ABR: variants seen among roughly 807,000 people sequenced by gnomAD.
ABR encodes ABR activator of RhoGEF and GTPase.
ABR carries 35 observed loss-of-function variants against 107.2 expected under a neutral mutation model. The observed-to-expected ratio is 0.33, with a 90% CI of 0.25 to 0.43. The LOEUF is 0.43. Among genes scored for constraint, ABR ranks in the 20% least tolerant of loss-of-function variants. ABR has a pLI of 1.00. For synonymous variants in ABR, 498 were observed against 462.0 expected, an observed-to-expected ratio of 1.08 and a Z score of -1.00; for missense variants, 815 against 1,115.2, an observed-to-expected ratio of 0.73 and a Z score of 3.83.
chr17:1,006,457 GCCCTTGGAAGCAA>G (rs1182579215), intron 22 of ABR, among the ~76,000 whole-genome samples: 2 of 152,150 alleles, frequency 1.3e-5, no homozygotes, highest in Non-Finnish European at 2.9e-5. Context: ...GAAGCCTCCC[GCCCTTGGAAGCAA>G]CCTCAGAGCT....
intron 3 of ABR, among the ~76,000 whole-genome samples, chr17:1,096,867 G>A (rs116549379): frequency 0.031 from 4,517 of 146,228 alleles, 112 homozygotes; most frequent in Non-Finnish European, 0.052. Flanking sequence ...GGGGAATGGG[G>A]GAACCTGCCC....
Position 1,050,026 on chromosome 17 carries a change from C to T in ABR, c.1791+24G>A, listed in dbSNP as rs2032275209. 2.5e-6 allele frequency: 4 copies of T among 1,606,902 alleles called. No homozygotes were observed. The highest frequency in any genetic ancestry group is 2.5e-6 in the Non-Finnish European group (3 of 1,177,386). ...ACCACCTCCTGGAGGCTCCCTCAGC[C>T]TCGCCCCGGCGCCCTGGCCTCACCT... On this transcript the variant is annotated intron_variant, in intron 16 of 22. Coordinates refer to ENST00000302538, the MANE Select transcript of ABR (RefSeq NM_021962.5). This position sits in a 1 kb window ranked among gnomAD's most constrained non-coding sequence, Gnocchi z 4.6.
At chr17:1,159,984 G>A (rs1598012408) in intron 1 of ABR, among the ~76,000 whole-genome samples, 2 of 152,164 alleles carry the variant, frequency 1.3e-5, no homozygotes, top group South Asian at 4.1e-4. Context: ...TGACGCTGCC[G>A]CCGCTTGGGG....
chr17:1,029,690 T>C (rs2072548495), intron 16 of ABR, among the ~76,000 whole-genome samples: 1 of 151,978 alleles, frequency 6.6e-6, no homozygotes, highest in African/African-American at 2.4e-5. Context: ...AAATGCCAGG[T>C]TAATGTGGCT....
intron 16 of ABR, among the ~76,000 whole-genome samples, chr17:1,014,381 C>T (rs1196927140): frequency 7.1e-6 from 1 of 140,622 alleles, no homozygotes; most frequent in Non-Finnish European, 1.5e-5. Context: ...GCAGAGCTTG[C>T]AGTGAGCCGA....
Position 1,084,454 on chromosome 17 carries a change from C to T in ABR, c.532-827G>A, listed in dbSNP as rs1035835497. 2.0e-5 allele frequency among the ~76,000 whole-genome samples: 3 copies of T among 152,204 alleles called. No homozygotes were observed. The highest frequency in any genetic ancestry group is 4.4e-5 in the Non-Finnish European group (3 of 68,042). ...CTTGAGGCCCCGTCCTCACCTCTTC[C>T]ACCTCCTCTACCTCCAAGGAGCCAA... On this transcript the variant is annotated intron_variant, in intron 4 of 22. Coordinates refer to ENST00000302538, the MANE Select transcript of ABR (RefSeq NM_021962.5). This position sits in a 1 kb window ranked among gnomAD's most constrained non-coding sequence, Gnocchi z 4.2.
intron 16 of ABR, among the ~76,000 whole-genome samples, chr17:1,030,993 T>G (rs749970022): frequency 6.6e-6 from 1 of 152,162 alleles, no homozygotes; most frequent in African/African-American, 2.4e-5. Context: ...ATCTCAGATT[T>G]TAATCCCAAC....
intron 16 of ABR, among the ~76,000 whole-genome samples, chr17:1,036,040 C>T (rs1268221436): frequency 1.3e-5 from 2 of 151,972 alleles, no homozygotes; most frequent in South Asian, 2.1e-4. Flanking sequence ...GGCAAATCCT[C>T]CAGCCTGTGA....
rs1337895228 is a variant in ABR, at chr17:1,194,944, GC to G, written c.838+33848del. ...TGGAATTACAGGTGTGAGCCACCGC[GC>G]CCGACCCTAATTTTTTTTTTAATTT... On this transcript the variant is annotated intron_variant, in intron 1 of 22. Transcript: ENST00000574139. Among the ~76,000 whole-genome samples, 4 of 143,816 alleles carry G rather than the reference GC, an allele frequency of 2.8e-5. No homozygotes were observed. The East Asian group carries it at 7.3e-4, about 26-fold the overall frequency. The allele number at this position is 143,816 out of a possible 152,430, so 94.3% of individuals were successfully genotyped here. A position where few individuals can be genotyped will look rare whatever the true frequency, so the allele number is the denominator to read the frequency against.
chr17:1,146,788 GCCACCATGCCACC>G, intron 1 of ABR, among the ~76,000 whole-genome samples: 1 of 62,698 alleles, frequency 1.6e-5, no homozygotes, highest in South Asian at 6.0e-4. Flanking sequence ...GGCCACCACT[GCCACCATGCCACC>G]ACTGCCACCA....
chr17:1,023,795 T>G (rs941947727), intron 16 of ABR, among the ~76,000 whole-genome samples: 6 of 151,596 alleles, frequency 4.0e-5, no homozygotes, highest in Non-Finnish European at 7.4e-5. Flanking sequence ...GAGGCCTAGG[T>G]GGGAGGATCA....
intron 1 of ABR, among the ~76,000 whole-genome samples, chr17:1,212,082 C>T (rs575341169): frequency 0.054 from 655 of 12,198 alleles, 3 homozygotes; most frequent in African/African-American, 0.062. Flanking sequence ...GACCCCATCT[C>T]GAAAAAAAAA....
chr17:1,011,964 G>A lies in ABR; in HGVS notation c.1983C>T (p.Pro661=). The A allele has an allele frequency of 6.2e-7, 1 of 1,613,690 alleles. No individual in the cohort carries two copies. Among genetic ancestry groups the A allele is most frequent in the South Asian group, 1.1e-5 (1 of 91,060 alleles). ...VVTKRERSKV[P]YIVRQCVEEV... is the part of the protein sequence containing the mutation. ...CCTCCACACACTGCCGGACGATGTA[G>A]GGCACCTTGGAGCGCTCCCGCCTGG... The change falls in exon 19 of 23, where the codon CCC becomes CCT. Residue 661 remains proline, a synonymous_variant. Coordinates refer to ENST00000302538, the MANE Select transcript of ABR (RefSeq NM_021962.5). This position sits in a 1 kb window ranked among gnomAD's most constrained non-coding sequence, Gnocchi z 4.8.
intron 16 of ABR, among the ~76,000 whole-genome samples, chr17:1,017,044 G>A (rs1009993159): frequency 3.3e-5 from 5 of 151,914 alleles, no homozygotes; most frequent in Non-Finnish European, 7.4e-5. Context: ...CACTGGGTTC[G>A]CCCTGCCCAG....
chr17:1,173,220 T>TCAACACATCACCTCAGCCCACA (rs2041801082), intron 1 of ABR, among the ~76,000 whole-genome samples: 5 of 8,988 alleles, frequency 5.6e-4, no homozygotes, highest in Admixed American at 1.6e-3. Flanking sequence ...CTCAGTCCAC[T>TCAACACATCACCTCAGCCCACA]CAACACATCA....
At chr17:1,158,717 C>T (rs534599309) in intron 1 of ABR, among the ~76,000 whole-genome samples, 6 of 151,906 alleles carry the variant, frequency 3.9e-5, no homozygotes, top group African/African-American at 9.7e-5. Context: ...GAGCCAAGAC[C>T]GTGCCACTGC....
chr17:1,144,259 G>A (rs756338852), intron 1 of ABR, among the ~76,000 whole-genome samples: 24 of 152,196 alleles, frequency 1.6e-4, no homozygotes, highest in East Asian at 9.7e-4. Context: ...GAAAGCTGAC[G>A]GCATGTGTAC....
chr17:1,102,813 C>T (rs747175121), intron 2 of ABR, among the ~76,000 whole-genome samples: 59 of 152,300 alleles, frequency 3.9e-4, no homozygotes, highest in Non-Finnish European at 7.1e-4. Context: ...CAGGTTCAAG[C>T]GATTCTCCTG....
At chr17:1,164,275 C>T (rs2041416001) in intron 1 of ABR, among the ~76,000 whole-genome samples, 1 of 151,436 alleles carries the variant, frequency 6.6e-6, no homozygotes, top group Non-Finnish European at 1.5e-5. Flanking sequence ...CAAAGTGTCA[C>T]ACACAGCACT....
Sources: gnomAD v4.1 joint callset for allele counts (sites outside exome capture counted in the v4.1 genomes callset) on GRCh38, gnomAD v4.1.1 for gene constraint, Gnocchi (gnomAD v3.1) non-coding constraint, MANE v1.5 for transcripts, NCBI Gene and HGNC (gene_info 2026-07-23, HGNC 2026-07-21) for gene names.